The following TBXAS1 variants were observed in gnomAD, a reference collection of about 807,000 sequenced individuals.
TBXAS1 encodes thromboxane A synthase 1.
TBXAS1 carries 48 observed loss-of-function variants against 60.7 expected under a neutral mutation model. That is an observed-to-expected ratio of 0.79 (90% confidence interval 0.63 to 1.01). The LOEUF is 1.01. Ranked by LOEUF, TBXAS1 falls within the 50% of genes least tolerant of loss-of-function variation. The pLI, the probability that TBXAS1 is intolerant of heterozygous loss-of-function variation, is 0.00. For synonymous variants in TBXAS1, 287 were observed against 269.7 expected (o/e 1.06, Z -0.63); for missense variants, 685 against 686.3 (o/e 1.00, Z 0.02).
intron 3 of TBXAS1, among the ~76,000 whole-genome samples, chr7:139,899,011 C>T (rs891303272): frequency 1.3e-5 from 2 of 150,596 alleles, no homozygotes; most frequent in African/African-American, 4.9e-5. Context: ...TTCTCCCTCT[C>T]CTTTTTTTTT....
intron 1 of TBXAS1, among the ~76,000 whole-genome samples, chr7:139,866,889 T>C (rs151170612): frequency 6.6e-6 from 1 of 152,360 alleles, no homozygotes; most frequent in East Asian, 1.9e-4. Flanking sequence ...TTCTCCCTGA[T>C]AGTTCTAGCT....
chr7:139,976,705 T>A (rs755261656), intron 9 of TBXAS1, among the ~76,000 whole-genome samples: 7 of 152,144 alleles, frequency 4.6e-5, no homozygotes. Flanking sequence ...TTCGATTTAG[T>A]GGGTCTGGAG....
intron 1 of TBXAS1, among the ~76,000 whole-genome samples, chr7:139,861,003 G>A (rs1386403136): frequency 2.0e-5 from 3 of 151,932 alleles, no homozygotes; most frequent in African/African-American, 7.3e-5. Context: ...GTGAAACCCC[G>A]TCTCTACTAA....
intron 5 of TBXAS1, among the ~76,000 whole-genome samples, chr7:139,941,686 G>A (rs1486536469): frequency 1.3e-5 from 2 of 152,134 alleles, no homozygotes; most frequent in Non-Finnish European, 2.9e-5. Context: ...TCCATCCCCC[G>A]AAGAATTGAC....
intron 1 of TBXAS1, among the ~76,000 whole-genome samples, chr7:139,851,049 T>TCTTACTGAGCCAAAGCATCCCATTGGC: frequency 6.6e-6 from 1 of 152,312 alleles, no homozygotes; most frequent in East Asian, 1.9e-4. Flanking sequence ...CTCCCGTTGG[T>TCTTACTGAGCCAAAGCATCCCATTGGC]CTTACTGAGC....
At chr7:139,995,747 C>G (rs1006008039) in intron 9 of TBXAS1, among the ~76,000 whole-genome samples, 20 of 152,204 alleles carry the variant, frequency 1.3e-4, no homozygotes, top group African/African-American at 4.6e-4. Flanking sequence ...CTGGCTCCAC[C>G]CCCACAACTG....
At chr7:139,779,356 C>T (rs909112418) in intron 1 of TBXAS1, among the ~76,000 whole-genome samples, 1 of 152,186 alleles carries the variant, frequency 6.6e-6, no homozygotes, top group Admixed American at 6.5e-5. Flanking sequence ...ACTCTGCGGT[C>T]TTCCTTGCCC....
intron 1 of TBXAS1, among the ~76,000 whole-genome samples, chr7:139,870,798 G>A (rs546852244): frequency 2.6e-5 from 4 of 152,148 alleles, no homozygotes; most frequent in Non-Finnish European, 5.9e-5. Flanking sequence ...TTTAAAAATC[G>A]ACTCATTTGG....
At chr7:139,804,503 A>G (rs992181838) in intron 4 of TBXAS1, among the ~76,000 whole-genome samples, 2 of 152,204 alleles carry the variant, frequency 1.3e-5, no homozygotes, top group Non-Finnish European at 2.9e-5. Flanking sequence ...TTGGGAAGGC[A>G]TGATTGTGTT....
At chr7:139,848,984 A>T (rs941400184) in intron 1 of TBXAS1, among the ~76,000 whole-genome samples, 4 of 152,202 alleles carry the variant, frequency 2.6e-5, no homozygotes, top group African/African-American at 9.7e-5. Flanking sequence ...AAATAAAACC[A>T]TAACAAAAAA....
intron 9 of TBXAS1, among the ~76,000 whole-genome samples, chr7:139,980,357 A>C (rs1271933870): frequency 6.6e-6 from 1 of 152,138 alleles, no homozygotes; most frequent in Non-Finnish European, 1.5e-5. Flanking sequence ...TGAGTTGAGA[A>C]TCAATGCGAA....
At chr7:139,805,611 CTCTTTCCTTCCT>C (rs1183190507) in intron 4 of TBXAS1, among the ~76,000 whole-genome samples, 2 of 152,020 alleles carry the variant, frequency 1.3e-5, no homozygotes, top group Admixed American at 6.6e-5. Context: ...TTCTTTCTCT[CTCTTTCCTTCCT>C]TCTTTCCTTC....
intron 1 of TBXAS1, among the ~76,000 whole-genome samples, chr7:139,866,372 C>A (rs1801419005): frequency 6.6e-6 from 1 of 151,968 alleles, no homozygotes; most frequent in South Asian, 2.1e-4. Flanking sequence ...TATTAAGCAG[C>A]CATAAAAATG....
At chr7:139,976,903 C>T (rs1462490088) in intron 9 of TBXAS1, among the ~76,000 whole-genome samples, 1 of 152,156 alleles carries the variant, frequency 6.6e-6, no homozygotes, top group Non-Finnish European at 1.5e-5. Context: ...TTAGAAAAGT[C>T]CCTCATCAGA....
chr7:139,784,739 T>C (rs1797131981), intron 3 of TBXAS1, among the ~76,000 whole-genome samples: 2 of 152,212 alleles, frequency 1.3e-5, no homozygotes, highest in Admixed American at 1.3e-4. Context: ...GAAAAATGAA[T>C]TCAATTTTGA....
chr7:139,942,207 G>A (rs1001789622), intron 5 of TBXAS1, among the ~76,000 whole-genome samples: 3 of 152,168 alleles, frequency 2.0e-5, no homozygotes, highest in Non-Finnish European at 4.4e-5. Flanking sequence ...AAATATGGAG[G>A]ACCGAAAAGG....
chr7:139,846,946 G>A (rs1799855142), intron 1 of TBXAS1, among the ~76,000 whole-genome samples: 1 of 152,118 alleles, frequency 6.6e-6, no homozygotes, highest in Non-Finnish European at 1.5e-5. Context: ...AGAGATGTCA[G>A]CCACCTCTCT....
intron 9 of TBXAS1, among the ~76,000 whole-genome samples, chr7:139,980,116 C>T (rs140637917): frequency 7.5e-4 from 114 of 152,216 alleles, no homozygotes; most frequent in Non-Finnish European, 1.1e-3. Context: ...AAGGCCTGTG[C>T]GGGTCCTCAG....
chr7:139,975,491 GC>G lies in TBXAS1; in HGVS notation c.1134+13259del, dbSNP rs5887946. Among the ~76,000 whole-genome samples the G allele has an allele frequency of 0.21, 31,582 of 152,002 alleles. 3,397 individuals are homozygous for G. Among genetic ancestry groups the G allele is most frequent in the Middle Eastern group, 0.39 (114 of 290 alleles). On this transcript the variant is annotated intron_variant, in intron 9 of 12. Transcript: ENST00000448866. This position sits in a 1 kb window ranked among gnomAD's most constrained non-coding sequence, Gnocchi z 4.4. ...TGCCTGACCAAGTGGATCAATGGTG[GC>G]TCTGGCATTTCTATAAAGGGGATTT... is the stretch of plus-strand genomic sequence containing the variant.
Sources: allele counts gnomAD v4.1 joint callset (sites outside exome capture counted in the v4.1 genomes callset), GRCh38; gene constraint gnomAD v4.1.1; non-coding constraint Gnocchi (gnomAD v3.1); transcripts MANE v1.5; gene names NCBI Gene and HGNC (gene_info 2026-07-23, HGNC 2026-07-21).